The following PPARGC1A variants were observed in gnomAD, a reference collection of about 807,000 sequenced individuals.
The protein encoded by PPARGC1A is PPARG coactivator 1 alpha.
Under a neutral mutation model 88.7 loss-of-function variants are expected in PPARGC1A, and 25 were observed. The observed-to-expected ratio is 0.28, with a 90% CI of 0.21 to 0.39. The LOEUF (loss-of-function observed/expected upper bound fraction) is 0.39, where lower values mean the gene tolerates loss of function less well. PPARGC1A is among the 10% of genes least tolerant of loss of function. The pLI is 1.00. For missense variants in PPARGC1A, 880 were observed against 968.7 expected, an observed-to-expected ratio of 0.91 and a Z score of 1.22; for synonymous variants, 363 against 355.6, an observed-to-expected ratio of 1.02 and a Z score of -0.24.
chr4:23,993,304 G>A, the PPARGC1A span, among the ~76,000 whole-genome samples: 7 of 152,096 alleles, frequency 4.6e-5, no homozygotes, highest in South Asian at 2.1e-4. Flanking sequence ...AGACAATGAC[G>A]GAACAGAAAA....
At chr4:23,936,636 C>T in the PPARGC1A span, among the ~76,000 whole-genome samples, 1 of 152,108 alleles carries the variant, frequency 6.6e-6, no homozygotes, top group African/African-American at 2.4e-5. Context: ...CTTTGGTAGG[C>T]CGAGGCGGGT....
At chr4:24,217,232 A>C in the PPARGC1A span, among the ~76,000 whole-genome samples, 1 of 152,218 alleles carries the variant, frequency 6.6e-6, no homozygotes, top group East Asian at 1.9e-4. Flanking sequence ...ACAGATCATG[A>C]AGCTGATTAA....
At chr4:23,912,602 T>C in the PPARGC1A span, among the ~76,000 whole-genome samples, 1 of 152,220 alleles carries the variant, frequency 6.6e-6, no homozygotes, top group African/African-American at 2.4e-5. Flanking sequence ...GTTGAAGGCC[T>C]TAAGAGTGAA....
At chr4:24,115,009 G>T in the PPARGC1A span, among the ~76,000 whole-genome samples, 3 of 152,078 alleles carry the variant, frequency 2.0e-5, no homozygotes, top group African/African-American at 7.2e-5. Flanking sequence ...CACAATAAAA[G>T]CAATTTCTCC....
In PPARGC1A at chr4:23,829,518, G is replaced by A; in HGVS notation, c.497C>T (p.Thr166Ile). The A allele has an allele frequency of 6.2e-7, 1 of 1,613,600 alleles. No homozygotes were observed. The highest frequency in any genetic ancestry group is 8.5e-7 in the Non-Finnish European group (1 of 1,179,530). The change falls in exon 4 of 13, where the codon ACC (threonine) becomes ATC (isoleucine). Residue 166 changes from threonine (T) to isoleucine (I), a missense_variant. By Grantham distance (89) the Thr-to-Ile change is moderately conservative. Transcript: ENST00000264867. ...GTGATTGTGATTTGCATGGTTCTGG[G>A]TACTGAGACCACTGCATTCATTATA... ...LSYNECSGLS[T>I]QNHANHNHRI...
chr4:24,115,847 A>T, the PPARGC1A span, among the ~76,000 whole-genome samples: 2 of 152,206 alleles, frequency 1.3e-5, no homozygotes, highest in Non-Finnish European at 2.9e-5. Context: ...CTAAAGGAAG[A>T]TCTAAAGGTA....
the PPARGC1A span, among the ~76,000 whole-genome samples, chr4:24,030,962 G>A: frequency 1.2e-3 from 185 of 152,258 alleles, 1 homozygote; most frequent in African/African-American, 4.1e-3. Flanking sequence ...CTGCAGGGAA[G>A]CAGACAGATA....
the PPARGC1A span, among the ~76,000 whole-genome samples, chr4:24,027,227 C>G: frequency 0.47 from 60,162 of 128,780 alleles, 13,477 homozygotes; most frequent in Non-Finnish European, 0.5. Context: ...GTCTGTGTGT[C>G]TGTGTGTGTC....
the PPARGC1A span, among the ~76,000 whole-genome samples, chr4:24,024,043 T>A: frequency 2.0e-5 from 3 of 152,128 alleles, no homozygotes; most frequent in Non-Finnish European, 4.4e-5. Context: ...GCCTTCTGGG[T>A]GTAGTCAACA....
At chr4:24,248,825 T>C in the PPARGC1A span, among the ~76,000 whole-genome samples, 1 of 152,140 alleles carries the variant, frequency 6.6e-6, no homozygotes, top group African/African-American at 2.4e-5. Flanking sequence ...GGTTATAACA[T>C]GTGCAGGATC....
the PPARGC1A span, among the ~76,000 whole-genome samples, chr4:24,057,439 A>G: frequency 1.4e-5 from 2 of 143,842 alleles, no homozygotes; most frequent in South Asian, 2.3e-4. Flanking sequence ...GTACACTTCA[A>G]AAAGGCTAAG....
the PPARGC1A span, among the ~76,000 whole-genome samples, chr4:24,424,554 C>T: frequency 6.6e-6 from 1 of 151,950 alleles, no homozygotes; most frequent in Non-Finnish European, 1.5e-5. Flanking sequence ...GGATTACAGG[C>T]GTGAGCCACC....
At chr4:24,386,249 A>G in the PPARGC1A span, among the ~76,000 whole-genome samples, 5 of 152,196 alleles carry the variant, frequency 3.3e-5, no homozygotes, top group East Asian at 9.6e-4. Context: ...TCTCAAAATA[A>G]TAAGAACTAT....
chr4:24,199,125 T>G, the PPARGC1A span, among the ~76,000 whole-genome samples: 1 of 152,074 alleles, frequency 6.6e-6, no homozygotes, highest in Non-Finnish European at 1.5e-5. Context: ...CTCTCCCCAT[T>G]CCCACCCCAT....
At chr4:24,393,373 G>A in the PPARGC1A span, among the ~76,000 whole-genome samples, 1 of 146,772 alleles carries the variant, frequency 6.8e-6, no homozygotes, top group Non-Finnish European at 1.5e-5. Context: ...ATTGAGAAAC[G>A]GCCCCTTCCT....
At chr4:23,807,553 C>A (rs1442720340) in intron 10 of PPARGC1A, among the ~76,000 whole-genome samples, 1 of 152,040 alleles carries the variant, frequency 6.6e-6, no homozygotes, top group Non-Finnish European at 1.5e-5. Flanking sequence ...TAAGAGTATG[C>A]ATAACTACTT....
chr4:23,994,367 G>A, the PPARGC1A span, among the ~76,000 whole-genome samples: 1 of 152,130 alleles, frequency 6.6e-6, no homozygotes. Context: ...ACAGAAAGGG[G>A]CTGTTTTGTT....
upstream of PPARGC1A, among the ~76,000 whole-genome samples, chr4:23,902,380 C>T (rs574784737): frequency 7.9e-5 from 12 of 152,218 alleles, no homozygotes; most frequent in East Asian, 1.9e-3. Flanking sequence ...CTCCAGGGGG[C>T]GCTACTCGCA....
chr4:24,090,777 A>G, the PPARGC1A span, among the ~76,000 whole-genome samples: 1 of 152,274 alleles, frequency 6.6e-6, no homozygotes, highest in Non-Finnish European at 1.5e-5. Flanking sequence ...AATGTGAAGA[A>G]GAGTAATCCA....
Sources: allele counts gnomAD v4.1 joint callset (sites outside exome capture counted in the v4.1 genomes callset), GRCh38; gene constraint gnomAD v4.1.1; transcripts MANE v1.5; gene names NCBI Gene and HGNC (gene_info 2026-07-23, HGNC 2026-07-21).